Variants in BRSK1 observed in about 807,000 individuals in gnomAD.
BRSK1 encodes serine/threonine-protein kinase BRSK1.
BRSK1 carries 17 observed loss-of-function variants against 86.2 expected under a neutral mutation model. The observed-to-expected ratio is 0.20, with a 90% CI of 0.14 to 0.30. The LOEUF is 0.30. Among genes scored for constraint, BRSK1 ranks in the 10% least tolerant of loss-of-function variants. The probability of loss-of-function intolerance (pLI) is 1.00; values close to 1 mark genes in which losing one functional copy is unlikely to be tolerated. For missense variants in BRSK1, 719 were observed against 1,071.9 expected (o/e 0.67, Z 4.60); for synonymous variants, 464 against 440.1 (o/e 1.05, Z -0.68).
In BRSK1 at chr19:55,287,069, C is replaced by T; in HGVS notation, c.199C>T (p.Arg67Trp). The T allele has an allele frequency of 6.3e-7, 1 of 1,593,414 alleles. No individual in the cohort carries two copies. The highest frequency in any genetic ancestry group is 8.6e-7 in the Non-Finnish European group (1 of 1,168,330). Residue 67 changes from arginine (R) to tryptophan (W), a missense_variant, in exon 2 of 19, where the codon CGG becomes TGG. By Grantham distance (101) the Arg-to-Trp change is moderately radical (BLOSUM62 -3). Around this residue, in one of 6 missense-constraint regions of BRSK1, gnomAD observed 71 missense variants for 92.6 expected, o/e 0.77. Coordinates refer to ENST00000309383, the MANE Select transcript of BRSK1 (RefSeq NM_032430.2). The surrounding 1 kb of genome is among the most constrained non-coding windows in gnomAD (Gnocchi z 5.3). ...GAAGGTCGCCATCAAGATCGTGAAC[C>T]GGGAGAAGCTGTCGGAGTCGGTGCT... is the stretch of plus-strand genomic sequence containing the variant. ...GQKVAIKIVN[R>W]EKLSESVLMK...
rs1370761397 is a variant in BRSK1 at position 55,302,326 on chromosome 19, A to C, written c.857+158A>C. ...TCCTGGGGGAAGAGGACACAGCTAG[A>C]GAAGGAGTCTAGGGGTCAGAGGCAG... On this transcript the variant is annotated intron_variant, in intron 9 of 18. Transcript: ENST00000309383. This position sits in a 1 kb window ranked among gnomAD's most constrained non-coding sequence, Gnocchi z 6.3. 1 of 869,146 alleles carries C rather than the reference A, an allele frequency of 1.2e-6. No individual in the cohort carries two copies. Among genetic ancestry groups the C allele is most frequent in the African/African-American group, 1.6e-5 (1 of 60,686 alleles). The allele number at this position is 869,146 out of a possible 1,614,324, so 53.8% of individuals were successfully genotyped here. A position where few individuals can be genotyped will look rare whatever the true frequency, so the allele number is the denominator to read the frequency against.
chr19:55,299,570 G>C (rs2088541397), intron 7 of BRSK1, among the ~76,000 whole-genome samples: 1 of 151,986 alleles, frequency 6.6e-6, no homozygotes, highest in South Asian at 2.1e-4. Flanking sequence ...ATTTTTAGTA[G>C]AGATGGGGTT....
intron 4 of BRSK1, among the ~76,000 whole-genome samples, chr19:55,292,724 C>T (rs1321533719): frequency 2.0e-5 from 3 of 151,716 alleles, no homozygotes; most frequent in African/African-American, 7.3e-5. Context: ...ATCCCAGCTA[C>T]TCGGGAGGCT....
intron 4 of BRSK1, 116 bp downstream of exon 4, chr19:55,289,736 A>C: frequency 7.5e-7 from 1 of 1,331,362 alleles, no homozygotes; most frequent in African/African-American, 1.5e-5. Flanking sequence ...CCTTTATCCC[A>C]TTGAGACATA....
chr19:55,293,919 A>G (rs753450901), intron 4 of BRSK1, 98 bp from the exon 5 acceptor site: 3 of 1,077,178 alleles, frequency 2.8e-6, no homozygotes, highest in Non-Finnish European at 3.9e-6. Context: ...CTAAAAATCC[A>G]AAAAGTATGC....
intron 14 of BRSK1, 131 bp downstream of exon 14, chr19:55,305,051 G>A: frequency 1.4e-6 from 2 of 1,392,302 alleles, no homozygotes; most frequent in South Asian, 1.4e-5. Context: ...TTCTAGAGAA[G>A]AGGGGGTTTG....
Position 55,305,272 on chromosome 19 carries a change from T to C in BRSK1, c.1718-49T>C, listed in dbSNP as rs369562392. On this transcript the variant is annotated intron_variant, in intron 14 of 18. Coordinates refer to ENST00000309383, the MANE Select transcript of BRSK1 (RefSeq NM_032430.2). ...GAGTGCAGGCCTGTGTGCTGGCAACTGGGATGATGCACAGGTGTTGACCAC... is the reference window on the plus strand; with the variant it reads ...GAGTGCAGGCCTGTGTGCTGGCAACCGGGATGATGCACAGGTGTTGACCAC... 20 of 1,609,200 alleles carry C rather than the reference T, an allele frequency of 1.2e-5. No individual in the cohort carries two copies. The African/African-American group carries it at 2.5e-4, about 20-fold the overall frequency.
Position 55,302,273 on chromosome 19 carries a change from C to A in BRSK1, c.857+105C>A. On this transcript the variant is annotated intron_variant, in intron 9 of 18. Transcript: ENST00000309383. The surrounding 1 kb of genome is among the most constrained non-coding windows in gnomAD (Gnocchi z 6.3). ...GTGGGATGCCAGGGTTCCTGAGAGG[C>A]AACGGGCTAGGGACTCGGACTTATG... 7.4e-7 allele frequency: 1 copy of A among 1,353,632 alleles called. No homozygotes were observed. Among genetic ancestry groups the A allele is most frequent in the Non-Finnish European group, 1.1e-6 (1 of 944,238 alleles). The allele number at this position is 1,353,632 out of a possible 1,614,324, so 83.9% of individuals were successfully genotyped here.
chr19:55,300,234 T>G (rs1039746338), intron 7 of BRSK1, among the ~76,000 whole-genome samples: 6 of 152,096 alleles, frequency 3.9e-5, no homozygotes, highest in African/African-American at 1.4e-4. Flanking sequence ...CTATGGTCAG[T>G]GCGTCACAGC....
Position 55,302,224 on chromosome 19 carries a change from A to C in BRSK1, c.857+56A>C. On this transcript the variant is annotated intron_variant, in intron 9 of 18. Transcript: ENST00000309383. The surrounding 1 kb of genome is among the most constrained non-coding windows in gnomAD (Gnocchi z 6.3). ...CCTGGCGGAAATAGGGGAGGGGCCA[A>C]AGCAGTAGAAGCGGCTGGGAGGGGT... The C allele has an allele frequency of 2.2e-5, 36 of 1,601,704 alleles. No homozygotes were observed. The highest frequency in any genetic ancestry group is 2.9e-5 in the Non-Finnish European group (34 of 1,168,816).
At position 55,312,130 on chromosome 19, in the gene BRSK1, G is replaced by A; in HGVS notation, c.*62G>A. The A allele has an allele frequency of 1.4e-6, 1 of 714,000 alleles. No individual in the cohort carries two copies. Among genetic ancestry groups the A allele is most frequent in the Non-Finnish European group, 2.2e-6 (1 of 447,556 alleles). 44.2% of individuals were successfully genotyped at this position (714,000 alleles called of 1,614,324 possible). On this transcript the variant is annotated 3_prime_UTR_variant, in exon 19 of 19. Transcript: ENST00000309383. ...CCCCCCTTCCGTGCCCCCCAACTGT[G>A]AATCTGTAAATAAGGCCCAAGGAAC...
rs992866588 is a variant in BRSK1 at position 55,294,745 on chromosome 19, A to C, written c.678+348A>C. 3.3e-5 allele frequency among the ~76,000 whole-genome samples: 5 copies of C among 151,602 alleles called. No individual in the cohort carries two copies. Among genetic ancestry groups the C allele is most frequent in the Admixed American group, 1.3e-4 (2 of 15,218 alleles). On this transcript the variant is annotated intron_variant, in intron 7 of 18. Transcript: ENST00000309383. This position sits in a 1 kb window ranked among gnomAD's most constrained non-coding sequence, Gnocchi z 4.9. ...TCCAACTCCTGACCTCAGGTGATCCACCTGCCTCTGCCTCCCAAAGTGCTG... is the reference window on the plus strand; with the variant it reads ...TCCAACTCCTGACCTCAGGTGATCCCCCTGCCTCTGCCTCCCAAAGTGCTG...
Position 55,303,043 on chromosome 19 carries a change from A to C in BRSK1, c.1028+176A>C. On this transcript the variant is annotated intron_variant, in intron 10 of 18. Transcript: ENST00000309383. This position sits in a 1 kb window ranked among gnomAD's most constrained non-coding sequence, Gnocchi z 5.1. ...AAACGGCCCAGAAACACGCTGAGAA[A>C]GTATTAATAGATGCTGCGACATAGT... 1 of 753,470 alleles carries C rather than the reference A, an allele frequency of 1.3e-6. No individual in the cohort carries two copies. The highest frequency in any genetic ancestry group is 2.1e-6 in the Non-Finnish European group (1 of 475,274). The allele number at this position is 753,470 out of a possible 1,614,324, so 46.7% of individuals were successfully genotyped here.
chr19:55,312,244 G>C lies in BRSK1; in HGVS notation c.*176G>C, dbSNP rs1281664427. 2.4e-6 allele frequency: 1 copy of C among 412,992 alleles called. No homozygotes were observed. The highest frequency in any genetic ancestry group is 4.3e-6 in the Non-Finnish European group (1 of 233,576). 25.6% of individuals were successfully genotyped at this position (412,992 alleles called of 1,614,324 possible). On this transcript the variant is annotated 3_prime_UTR_variant, in exon 19 of 19. Transcript: ENST00000309383. The stretch of plus-strand genomic sequence containing the variant: ...GTGCCCAACTGGGGGTGGTTCTAGG[G>C]GAACAGGGGGCGGGGGAGCTGTTTC...
At chr19:55,290,509 T>C (rs1028219343) in intron 4 of BRSK1, among the ~76,000 whole-genome samples, 1 of 152,224 alleles carries the variant, frequency 6.6e-6, no homozygotes, top group African/African-American at 2.4e-5. Context: ...TTCATCAGTA[T>C]ACATTTTTAA....
chr19:55,290,664 C>T (rs1293833298), intron 4 of BRSK1, among the ~76,000 whole-genome samples: 9 of 148,686 alleles, frequency 6.1e-5, no homozygotes, highest in African/African-American at 1.5e-4. Flanking sequence ...TTTTTTGAGA[C>T]GGAGTCTTGC....
At position 55,294,258 on chromosome 19, in the gene BRSK1, G is replaced by T; in HGVS notation, c.609+11G>T. The T allele has an allele frequency of 1.2e-6, 2 of 1,614,126 alleles. No homozygotes were observed. The highest frequency in any genetic ancestry group is 2.2e-5 in the East Asian group (1 of 44,876). On this transcript the variant is annotated intron_variant, in intron 6 of 18. Transcript: ENST00000309383. The surrounding 1 kb of genome is among the most constrained non-coding windows in gnomAD (Gnocchi z 4.9). The stretch of plus-strand genomic sequence containing the variant: ...CCAGAGGTGATTAAGGTGAGTGAGG[G>T]GCGGATAGAGGGGAGAGGGGTGGAG...
At chr19:55,285,728 G>C (rs2088300274) in intron 1 of BRSK1, among the ~76,000 whole-genome samples, 1 of 152,170 alleles carries the variant, frequency 6.6e-6, no homozygotes, top group Non-Finnish European at 1.5e-5. Flanking sequence ...CCTGCCGGAT[G>C]GATGGTGGGT....
intron 1 of BRSK1, 21 bp downstream of exon 1, chr19:55,284,599 C>T (rs2088280243): frequency 7.9e-7 from 1 of 1,261,420 alleles, no homozygotes. Context: ...CAGAAGGGGA[C>T]ACCTGGGGCG....
Sources: gnomAD v4.1 joint callset for allele counts (sites outside exome capture counted in the v4.1 genomes callset) on GRCh38, gnomAD v4.1.1 for gene constraint, gnomAD v4.1.1 regional missense constraint, Gnocchi (gnomAD v3.1) non-coding constraint, MANE v1.5 for transcripts, NCBI Gene and HGNC (gene_info 2026-07-23, HGNC 2026-07-21) for gene names.